Variants in STK39 observed in about 807,000 individuals in gnomAD.
STK39 encodes STE20/SPS1-related proline-alanine-rich protein kinase.
In STK39, 20 loss-of-function variants were observed where a neutral mutation model predicts 77.8. The observed-to-expected ratio is 0.26, with a 90% confidence interval of 0.18 to 0.37. The LOEUF (loss-of-function observed/expected upper bound fraction) is 0.37. STK39 is among the 10% of genes least tolerant of loss of function. The probability of loss-of-function intolerance (pLI) is 1.00; values close to 1 mark genes in which losing one functional copy is unlikely to be tolerated. For synonymous variants in STK39, 246 were observed against 234.1 expected (o/e 1.05, Z -0.47); for missense variants, 479 against 656.5 (o/e 0.73, Z 2.95).
chr2:168,244,381 G>A (rs973977448), intron 1 of STK39, among the ~76,000 whole-genome samples: 1 of 152,188 alleles, frequency 6.6e-6, no homozygotes, highest in African/African-American at 2.4e-5. Context: ...CTCCGTGCCC[G>A]TGCCATGCTG....
At chr2:168,107,952 G>A (rs886206014) in intron 10 of STK39, among the ~76,000 whole-genome samples, 3 of 152,172 alleles carry the variant, frequency 2.0e-5, no homozygotes, top group African/African-American at 4.8e-5. Flanking sequence ...GATTCTCAAC[G>A]TGTATGGTCA....
At chr2:168,196,797 G>A (rs563804913) in intron 1 of STK39, among the ~76,000 whole-genome samples, 1 of 152,322 alleles carries the variant, frequency 6.6e-6, no homozygotes, top group South Asian at 2.1e-4. Context: ...ACCATGCAAA[G>A]ATCTGAGCAT....
At chr2:167,964,880 C>G (rs1692104232) in intron 16 of STK39, among the ~76,000 whole-genome samples, 154 bp from the exon 17 acceptor site, 1 of 152,192 alleles carries the variant, frequency 6.6e-6, no homozygotes, top group Non-Finnish European at 1.5e-5. Context: ...GACCAAATTA[C>G]TCTCATACAG....
chr2:168,114,865 T>C (rs1687218412), intron 10 of STK39, among the ~76,000 whole-genome samples: 1 of 152,180 alleles, frequency 6.6e-6, no homozygotes, highest in South Asian at 2.1e-4. Flanking sequence ...ATCACTTGTT[T>C]GTTCTGGACA....
intron 6 of STK39, 115 bp downstream of exon 6, chr2:168,140,534 C>A: frequency 8.7e-7 from 1 of 1,152,512 alleles, no homozygotes; most frequent in Non-Finnish European, 1.3e-6. Context: ...AGAATTAAAT[C>A]TTAGTTACAT....
At chr2:168,130,257 G>T (rs16854770) in intron 8 of STK39, among the ~76,000 whole-genome samples, 14,933 of 152,168 alleles carry the variant, frequency 0.098, 1,252 homozygotes, top group East Asian at 0.2. Context: ...ATGGACTGCT[G>T]TTTGCCAGGT....
intron 16 of STK39, among the ~76,000 whole-genome samples, chr2:167,978,342 T>C (rs1015196765): frequency 5.3e-5 from 8 of 152,106 alleles, no homozygotes; most frequent in African/African-American, 7.2e-5. Flanking sequence ...AGAGTTAAAC[T>C]ATAAACTAAA....
intron 14 of STK39, among the ~76,000 whole-genome samples, chr2:168,036,377 T>C (rs1475248556): frequency 7.1e-6 from 1 of 141,180 alleles, no homozygotes; most frequent in African/African-American, 2.9e-5. Flanking sequence ...CATGTCATGA[T>C]GTGCCTTTGG....
In STK39 at chr2:168,201,650, C is replaced by T. The variant is rs565750050; in HGVS notation, c.209-19560G>A. Among the ~76,000 whole-genome samples the T allele has an allele frequency of 3.5e-4, 53 of 152,280 alleles. No homozygotes were observed. In the East Asian group the frequency reaches 8.3e-3, roughly 24 times the overall value. ...AGAAGGAATGCGGCCATTTTTCATC[C>T]CATTCCTAAAGGAATTCAGTTTAGA... On this transcript the variant is annotated intron_variant, in intron 1 of 17. Transcript: ENST00000355999.
intron 10 of STK39, among the ~76,000 whole-genome samples, chr2:168,089,206 G>A (rs1331037582): frequency 6.6e-6 from 1 of 152,208 alleles, no homozygotes; most frequent in African/African-American, 2.4e-5. Flanking sequence ...TAGGCAAAGA[G>A]TGTCCTAGAA....
chr2:168,037,589 A>G (rs1423708320), intron 14 of STK39, among the ~76,000 whole-genome samples: 1 of 152,214 alleles, frequency 6.6e-6, no homozygotes, highest in Non-Finnish European at 1.5e-5. Flanking sequence ...CTACAGTAAA[A>G]TAACCACAAG....
At chr2:168,232,911 C>CA (rs397952357) in intron 1 of STK39, among the ~76,000 whole-genome samples, 63,269 of 144,102 alleles carry the variant, frequency 0.44, 14,915 homozygotes, top group Non-Finnish European at 0.57. Flanking sequence ...GATGCTGTCT[C>CA]AAAAAAAAAA....
At chr2:168,242,688 G>C (rs1036056164) in intron 1 of STK39, among the ~76,000 whole-genome samples, 1 of 148,694 alleles carries the variant, frequency 6.7e-6, no homozygotes, top group Non-Finnish European at 1.5e-5. Context: ...TTCAAGAGCA[G>C]CTTGGGCAAC....
chr2:167,985,800 A>G (rs1268412194), intron 16 of STK39, among the ~76,000 whole-genome samples: 3 of 152,216 alleles, frequency 2.0e-5, no homozygotes, highest in African/African-American at 7.2e-5. Context: ...ACCTACCACA[A>G]GCCGTAAGAA....
At chr2:168,036,489 G>A (rs749260340) in intron 14 of STK39, among the ~76,000 whole-genome samples, 2 of 152,268 alleles carry the variant, frequency 1.3e-5, no homozygotes, top group East Asian at 1.9e-4. Flanking sequence ...CAGTTCAACC[G>A]CTCTTGTAAG....
chr2:168,214,111 T>G (rs1399701688), intron 1 of STK39, among the ~76,000 whole-genome samples: 1 of 152,058 alleles, frequency 6.6e-6, no homozygotes, highest in African/African-American at 2.4e-5. Flanking sequence ...CACCTCCACA[T>G]CCTAAGCTGT....
At chr2:167,978,822 ATAGAT>A (rs1683344536) in intron 16 of STK39, among the ~76,000 whole-genome samples, 1 of 152,064 alleles carries the variant, frequency 6.6e-6, no homozygotes, top group Admixed American at 6.6e-5. Flanking sequence ...TTCTGTCACT[ATAGAT>A]TAGTTTACAT....
chr2:168,200,290 C>A (rs1160939699), intron 1 of STK39, among the ~76,000 whole-genome samples: 1 of 152,138 alleles, frequency 6.6e-6, no homozygotes, highest in Non-Finnish European at 1.5e-5. Context: ...GTTAAACTTA[C>A]AAGACACATA....
chr2:167,959,187 C>A (rs1032521559), intron 17 of STK39, among the ~76,000 whole-genome samples: 1 of 151,362 alleles, frequency 6.6e-6, no homozygotes, highest in Admixed American at 6.6e-5. Context: ...GGTGTGATCT[C>A]GGCTCACTGC....
Sources: allele counts gnomAD v4.1 joint callset (sites outside exome capture counted in the v4.1 genomes callset), GRCh38; gene constraint gnomAD v4.1.1; transcripts MANE v1.5; gene names NCBI Gene and HGNC (gene_info 2026-07-23, HGNC 2026-07-21).